ARHGAP29: variants seen among roughly 807,000 people sequenced by gnomAD.
The protein encoded by ARHGAP29 is rho GTPase-activating protein 29.
In ARHGAP29, 43 loss-of-function variants were observed where a neutral mutation model predicts 122.6. The ratio of observed to expected loss-of-function variants is 0.35; its 90% confidence interval spans 0.27 to 0.45. ARHGAP29 has a LOEUF of 0.45. Ranked by LOEUF, ARHGAP29 falls within the 20% of genes least tolerant of loss-of-function variation. The pLI is 1.00. For synonymous variants in ARHGAP29, 506 were observed against 497.1 expected (o/e 1.02, Z -0.24); for missense variants, 1,303 against 1,477.2 (o/e 0.88, Z 1.93).
chr1:94,195,118 T>A (rs1453014534), intron 12 of ARHGAP29: 3 of 152,206 alleles, frequency 2.0e-5, no homozygotes, highest in Non-Finnish European at 4.4e-5. Context: ...GGTTTGTAAC[T>A]GCTATATTCT....
At chr1:94,259,969 C>T (rs1008940962) in intron 1 of ARHGAP29, among the ~76,000 whole-genome samples, 3 of 152,182 alleles carry the variant, frequency 2.0e-5, no homozygotes, top group African/African-American at 7.2e-5. Context: ...AAAGTGTCCT[C>T]CCTGCATAAT....
the ARHGAP29 span, among the ~76,000 whole-genome samples, chr1:94,311,459 GA>G: frequency 6.6e-6 from 1 of 152,114 alleles, no homozygotes; most frequent in African/African-American, 2.4e-5. Flanking sequence ...CAGAGGCTTG[GA>G]TAGGTGCAAC....
intron 1 of ARHGAP29, among the ~76,000 whole-genome samples, chr1:94,265,177 C>T (rs1321765368): frequency 1.3e-5 from 2 of 152,240 alleles, no homozygotes; most frequent in African/African-American, 2.4e-5. Context: ...TTTGTTGAAG[C>T]TCCATCTCTG....
At chr1:94,274,667 T>C (rs182712274) in intron 1 of ARHGAP29, among the ~76,000 whole-genome samples, 3 of 152,284 alleles carry the variant, frequency 2.0e-5, no homozygotes, top group African/African-American at 7.2e-5. Flanking sequence ...CAAGAAAACA[T>C]AGCAAAAGGG....
intron 1 of ARHGAP29, among the ~76,000 whole-genome samples, chr1:94,262,334 G>T (rs1419887205): frequency 6.6e-6 from 1 of 152,114 alleles, no homozygotes; most frequent in Non-Finnish European, 1.5e-5. Context: ...TACCATTCTA[G>T]ATATAGGAGA....
At chr1:94,214,568 C>T (rs1169485381) in intron 3 of ARHGAP29, among the ~76,000 whole-genome samples, 2 of 152,134 alleles carry the variant, frequency 1.3e-5, no homozygotes, top group African/African-American at 4.8e-5. Flanking sequence ...CCTTTCCATC[C>T]CCATTGCCAT....
chr1:94,211,051 G>A (rs1016913403), intron 3 of ARHGAP29, among the ~76,000 whole-genome samples: 4 of 151,938 alleles, frequency 2.6e-5, no homozygotes, highest in African/African-American at 4.8e-5. Flanking sequence ...TTGGGAGGCC[G>A]AGGTGGACAG....
upstream of ARHGAP29, among the ~76,000 whole-genome samples, chr1:94,278,127 G>A (rs1655247916): frequency 2.0e-5 from 3 of 152,040 alleles, no homozygotes; most frequent in Admixed American, 6.6e-5. Flanking sequence ...ACCAGCCTGG[G>A]CAACAGAGCA....
intron 1 of ARHGAP29, among the ~76,000 whole-genome samples, chr1:94,235,671 C>T (rs1432838659): frequency 6.6e-6 from 1 of 152,164 alleles, no homozygotes; most frequent in Non-Finnish European, 1.5e-5. Context: ...TTTTGACACA[C>T]TAATTCTGGT....
Position 94,169,654 on chromosome 1 carries a change from T to C in ARHGAP29, c.*4215A>G, listed in dbSNP as rs1214985402. 6.6e-6 allele frequency among the ~76,000 whole-genome samples: 1 copy of C among 152,202 alleles called. No homozygotes were observed. The highest frequency in any genetic ancestry group is 6.5e-5 in the Admixed American group (1 of 15,280). On this transcript the variant is annotated 3_prime_UTR_variant, in exon 23 of 23. Coordinates refer to ENST00000260526, the MANE Select transcript of ARHGAP29 (RefSeq NM_004815.4). ...TAGACACACGTTTTCCTTTGAGCTG[T>C]TCACCAATAAGACAGTGAGCCTTTC... is the stretch of plus-strand genomic sequence containing the variant.
the ARHGAP29 span, chr1:94,303,168 G>A: frequency 6.6e-6 from 1 of 152,500 alleles, no homozygotes; most frequent in African/African-American, 2.4e-5. Flanking sequence ...CCTGAAAAGG[G>A]AAGGACCTAG....
At chr1:94,175,026 G>C (rs565614298) in intron 22 of ARHGAP29, among the ~76,000 whole-genome samples, 2 of 152,118 alleles carry the variant, frequency 1.3e-5, no homozygotes, top group Admixed American at 1.3e-4. Flanking sequence ...TAAGTGCTGT[G>C]CATGAACAAG....
the ARHGAP29 span, among the ~76,000 whole-genome samples, chr1:94,293,626 TC>T: frequency 6.6e-6 from 1 of 152,162 alleles, no homozygotes; most frequent in East Asian, 1.9e-4. Flanking sequence ...GTGACCCACC[TC>T]TTTTCTTTAT....
intron 1 of ARHGAP29, among the ~76,000 whole-genome samples, chr1:94,267,756 A>G (rs1654826153): frequency 6.6e-6 from 1 of 152,072 alleles, no homozygotes; most frequent in African/African-American, 2.4e-5. Context: ...TCCAAGACTC[A>G]GTTTTCTCAT....
At chr1:94,290,169 A>C in the ARHGAP29 span, among the ~76,000 whole-genome samples, 2 of 151,820 alleles carry the variant, frequency 1.3e-5, no homozygotes, top group Non-Finnish European at 2.9e-5. Context: ...CAATTTCAGA[A>C]CCTGTTATTG....
chr1:94,286,228 A>C, the ARHGAP29 span, among the ~76,000 whole-genome samples: 2 of 152,338 alleles, frequency 1.3e-5, no homozygotes, highest in South Asian at 4.1e-4. Flanking sequence ...TAAGGCCACC[A>C]ACACTATCAG....
intron 2 of ARHGAP29, among the ~76,000 whole-genome samples, chr1:94,224,088 C>A (rs61782652): frequency 0.22 from 34,068 of 152,118 alleles, 4,964 homozygotes; most frequent in Middle Eastern, 0.36. Context: ...GGATTACAGG[C>A]GTTAGCCACC....
At chr1:94,176,364 C>T (rs1210643156) in intron 22 of ARHGAP29, among the ~76,000 whole-genome samples, 1 of 152,182 alleles carries the variant, frequency 6.6e-6, no homozygotes, top group African/African-American at 2.4e-5. Flanking sequence ...ATTATTATTA[C>T]TGTTCCTAAG....
chr1:94,202,546 T>G lies in ARHGAP29; in HGVS notation c.1141A>C (p.Lys381Gln). The G allele has an allele frequency of 6.2e-7, 1 of 1,613,450 alleles. No individual in the cohort carries two copies. Among genetic ancestry groups the G allele is most frequent in the South Asian group, 1.1e-5 (1 of 90,872 alleles). ...KRRLEEEALQ[K>Q]VEEANELYKV... is the part of the protein sequence containing the mutation. ...ATAAAAAAGAAAAAGATCGTTACTT[T>G]TTGGAGAGCCTCCTCTTCCAACCTT... The change falls in exon 11 of 23, where the codon AAA becomes CAA. Residue 381 changes from lysine (K) to glutamine (Q), a missense_variant and splice_region_variant. By Grantham distance (53) the Lys-to-Gln change is moderately conservative (BLOSUM62 1). Around this residue, in one of 3 missense-constraint regions of ARHGAP29, gnomAD observed 592 missense variants for 648.2 expected, o/e 0.91. Coordinates refer to ENST00000260526, the MANE Select transcript of ARHGAP29 (RefSeq NM_004815.4).
Sources: gnomAD v4.1 joint callset for allele counts (sites outside exome capture counted in the v4.1 genomes callset) on GRCh38, gnomAD v4.1.1 for gene constraint, gnomAD v4.1.1 regional missense constraint, MANE v1.5 for transcripts, NCBI Gene and HGNC (gene_info 2026-07-23, HGNC 2026-07-21) for gene names.